TMEM39B: variants seen among roughly 807,000 people sequenced by gnomAD.
The protein encoded by TMEM39B is transmembrane protein 39B.
A neutral mutation model predicts 52.2 loss-of-function variants in TMEM39B; 23 were observed. The ratio of observed to expected loss-of-function variants is 0.44; its 90% CI spans 0.32 to 0.62. The LOEUF is 0.62. Ranked by LOEUF, TMEM39B falls within the 20% of genes least tolerant of loss-of-function variation. The pLI is 0.06. For synonymous variants in TMEM39B, 285 were observed against 264.0 expected (o/e 1.08, Z -0.77); for missense variants, 547 against 642.0 (o/e 0.85, Z 1.60).
chr1:32,099,484 G>A (rs1324387910), intron 7 of TMEM39B, among the ~76,000 whole-genome samples: 3 of 152,126 alleles, frequency 2.0e-5, no homozygotes, highest in Non-Finnish European at 2.9e-5. Flanking sequence ...ATAAAAGGAT[G>A]TCAAACTCTA....
upstream of TMEM39B, chr1:32,072,920 G>C: frequency 7.8e-7 from 1 of 1,278,584 alleles, no homozygotes. Flanking sequence ...ATGTAGCGGC[G>C]CGGCGGGAGC....
At chr1:32,098,794 C>T (rs1296405519) in intron 7 of TMEM39B, among the ~76,000 whole-genome samples, 4 of 152,070 alleles carry the variant, frequency 2.6e-5, no homozygotes, top group Non-Finnish European at 4.4e-5. Context: ...CTCACTAGGG[C>T]CTCTCTGTGC....
At chr1:32,082,464 AT>A (rs960345688) in intron 5 of TMEM39B, among the ~76,000 whole-genome samples, 20 of 151,146 alleles carry the variant, frequency 1.3e-4, no homozygotes, top group Middle Eastern at 3.4e-3. Context: ...TTTTATTTTT[AT>A]TTTTTTTGAG....
At chr1:32,094,431 T>G (rs545363716) in intron 6 of TMEM39B, among the ~76,000 whole-genome samples, 1 of 152,258 alleles carries the variant, frequency 6.6e-6, no homozygotes, top group East Asian at 1.9e-4. Context: ...GGCCTAGTAG[T>G]TGCTCTATCC....
intron 5 of TMEM39B, among the ~76,000 whole-genome samples, chr1:32,083,232 C>T (rs1640189597): frequency 1.3e-5 from 2 of 150,734 alleles, no homozygotes; most frequent in Admixed American, 6.6e-5. Context: ...TACAGGCATG[C>T]GCCACCATGC....
chr1:32,076,702 GA>G lies in TMEM39B; in HGVS notation c.352-55del, dbSNP rs1200268988. ...GAAATGGGCAGCGGGAGGTGGGTATGAAAAAAGCCTGCATATGGGCAAGGGG... is the reference window on the plus strand; with the variant it reads ...GAAATGGGCAGCGGGAGGTGGGTATGAAAAAGCCTGCATATGGGCAAGGGG... On this transcript the variant is annotated intron_variant, in intron 3 of 8. Coordinates refer to ENST00000336294, the MANE Select transcript of TMEM39B (RefSeq NM_018056.4). The G allele has an allele frequency of 4.5e-6, 7 of 1,550,330 alleles. No homozygotes were observed. The African/African-American group carries it at 5.4e-5, about 12-fold the overall frequency.
intron 7 of TMEM39B, among the ~76,000 whole-genome samples, chr1:32,097,336 T>C (rs959569899): frequency 2.0e-5 from 3 of 149,502 alleles, no homozygotes; most frequent in African/African-American, 4.9e-5. Flanking sequence ...ACTTCTTCTT[T>C]TTTTTTTTTT....
Position 32,102,493 on chromosome 1 carries a change from T to C in TMEM39B, c.1299T>C (p.Ile433=), listed in dbSNP as rs542743836. 1 of 1,614,184 alleles carries C rather than the reference T, an allele frequency of 6.2e-7. No individual in the cohort carries two copies. The highest frequency in any genetic ancestry group is 1.3e-5 in the African/African-American group (1 of 75,034). Residue 433 remains isoleucine (I), a synonymous_variant, in exon 9 of 9, where the codon ATT becomes ATC. Coordinates refer to ENST00000336294, the MANE Select transcript of TMEM39B (RefSeq NM_018056.4). ...TCCTGCTGCTGGAGGGCGCTGTCAT[T>C]GTCTATCAGCTGTACTCCCTAATGT... ...NILLLLEGAV[I]VYQLYSLMSS...
At position 32,091,815 on chromosome 1, in the gene TMEM39B, A is replaced by G; in HGVS notation, c.731A>G (p.Glu244Gly). ...KSRDYLLTLR[E>G]TWKQHTRQLY... ...CGGGACTACCTCCTGACACTGCGGG[A>G]GACGTGGAAGCAGCACACAAGACAG... The change falls in exon 6 of 9, where the codon GAG becomes GGG. Residue 244 changes from glutamate (E) to glycine (G), a missense_variant. Transcript: ENST00000336294. 6.2e-7 allele frequency: 1 copy of G among 1,614,186 alleles called. No individual in the cohort carries two copies. Among genetic ancestry groups the G allele is most frequent in the Non-Finnish European group, 8.5e-7 (1 of 1,180,034 alleles).
chr1:32,098,593 C>T (rs1444490833), intron 7 of TMEM39B, among the ~76,000 whole-genome samples: 4 of 152,040 alleles, frequency 2.6e-5, no homozygotes, highest in African/African-American at 7.2e-5. Context: ...ATTAGCTGGG[C>T]GCAGTGGCGG....
intron 5 of TMEM39B, among the ~76,000 whole-genome samples, chr1:32,084,916 A>G (rs1640277564): frequency 6.6e-6 from 1 of 152,090 alleles, no homozygotes; most frequent in Admixed American, 6.6e-5. Context: ...TTTTGCAGTT[A>G]TTATTCCATT....
chr1:32,083,800 C>T (rs1156549495), intron 5 of TMEM39B, among the ~76,000 whole-genome samples: 1 of 152,064 alleles, frequency 6.6e-6, no homozygotes, highest in African/African-American at 2.4e-5. Flanking sequence ...ACCCAGGAGG[C>T]AGTGGTGCAA....
At chr1:32,098,458 T>C (rs977538204) in intron 7 of TMEM39B, among the ~76,000 whole-genome samples, 4 of 151,874 alleles carry the variant, frequency 2.6e-5, no homozygotes, top group Non-Finnish European at 5.9e-5. Context: ...CTGGGCCAGG[T>C]GCAGTGGCTC....
intron 5 of TMEM39B, among the ~76,000 whole-genome samples, chr1:32,084,503 G>A (rs2124455975): frequency 6.6e-6 from 1 of 152,260 alleles, no homozygotes; most frequent in African/African-American, 2.4e-5. Context: ...GTCCTTGCAT[G>A]TCTAAAAGTG....
In TMEM39B at chr1:32,076,728, G is replaced by T. The variant is rs770573409; in HGVS notation, c.352-35G>T. On this transcript the variant is annotated intron_variant, in intron 3 of 8. Coordinates refer to ENST00000336294, the MANE Select transcript of TMEM39B (RefSeq NM_018056.4). Reference sequence around the variant, plus strand: ...AAAAAAGCCTGCATATGGGCAAGGGGCCCACATGACCCCCAGGCCTCTGCC... The same window carrying T: ...AAAAAAGCCTGCATATGGGCAAGGGTCCCACATGACCCCCAGGCCTCTGCC... 1.9e-6 allele frequency: 3 copies of T among 1,609,452 alleles called. No homozygotes were observed. In the Admixed American group the frequency reaches 5.0e-5, roughly 27 times the overall value.
chr1:32,074,244 A>T (rs1639759867), intron 1 of TMEM39B, among the ~76,000 whole-genome samples: 1 of 152,028 alleles, frequency 6.6e-6, no homozygotes. Context: ...ATGCCCTTTG[A>T]GCTGAATCAT....
rs1006030062 is a variant in TMEM39B, at chr1:32,098,254, G to A, written c.1116-2188G>A. ...GACCTCAGGTGATCTGCACACCCTC[G>A]GCCTCCCCAAAGTGCTGGAATTACA... is the stretch of plus-strand genomic sequence containing the variant. On this transcript the variant is annotated intron_variant, in intron 7 of 8. Coordinates refer to ENST00000336294, the MANE Select transcript of TMEM39B (RefSeq NM_018056.4). Among the ~76,000 whole-genome samples the A allele has an allele frequency of 6.1e-4, 92 of 151,464 alleles. 1 individual carries two copies. The highest frequency in any genetic ancestry group is 2.0e-3 in the African/African-American group (84 of 41,324).
intron 6 of TMEM39B, 108 bp from the exon 7 acceptor site, chr1:32,094,676 G>C: frequency 8.2e-7 from 1 of 1,218,326 alleles, no homozygotes; most frequent in South Asian, 1.4e-5. Flanking sequence ...GCTATTCTGA[G>C]GTCTCCCCAG....
chr1:32,082,012 C>T (rs556441110), intron 5 of TMEM39B, among the ~76,000 whole-genome samples: 5 of 152,232 alleles, frequency 3.3e-5, no homozygotes, highest in African/African-American at 1.2e-4. Flanking sequence ...TGATTTAGCT[C>T]ACGATCCCAT....
Sources: allele counts gnomAD v4.1 joint callset (sites outside exome capture counted in the v4.1 genomes callset), GRCh38; gene constraint gnomAD v4.1.1; transcripts MANE v1.5; gene names NCBI Gene and HGNC (gene_info 2026-07-23, HGNC 2026-07-21).